The following WDR4 variants were observed in gnomAD, a reference collection of about 807,000 sequenced individuals.
WDR4 encodes tRNA (guanine-N(7)-)-methyltransferase non-catalytic subunit WDR4.
A neutral mutation model predicts 48.6 loss-of-function variants in WDR4; 47 were observed. The ratio of observed to expected loss-of-function variants is 0.97; its 90% CI spans 0.77 to 1.23. The LOEUF (loss-of-function observed/expected upper bound fraction) is 1.23, where lower values mean the gene tolerates loss of function less well. Among genes scored for constraint, WDR4 ranks in the 50% most tolerant of loss-of-function variants. The probability of loss-of-function intolerance (pLI) is 0.00; values close to 1 mark genes in which losing one functional copy is unlikely to be tolerated. For synonymous variants in WDR4, 268 were observed against 230.0 expected (o/e 1.17, Z -1.49); for missense variants, 606 against 551.6 (o/e 1.10, Z -0.99).
intron 3 of WDR4, among the ~76,000 whole-genome samples, chr21:42,866,380 C>G (rs1451701349): frequency 1.3e-5 from 2 of 152,330 alleles, no homozygotes; most frequent in Non-Finnish European, 2.9e-5. Context: ...TGGGACAGAG[C>G]CTAGGGTCTC....
downstream of WDR4, among the ~76,000 whole-genome samples, chr21:42,847,077 C>T (rs2057717117): frequency 6.6e-6 from 1 of 151,806 alleles, no homozygotes. Flanking sequence ...TTTTCTTCAT[C>T]AATTAAAGAG....
intron 3 of WDR4, 34 bp from the exon 4 acceptor site, chr21:42,863,630 C>G: frequency 1.2e-6 from 2 of 1,602,816 alleles, no homozygotes; most frequent in Non-Finnish European, 1.7e-6. Context: ...CATTAGCTTC[C>G]AGGAGCAGCG....
intron 6 of WDR4, among the ~76,000 whole-genome samples, chr21:42,858,996 T>C (rs1255158159): frequency 6.6e-6 from 1 of 152,152 alleles, no homozygotes; most frequent in Non-Finnish European, 1.5e-5. Context: ...GGCCCTCACT[T>C]TGGCAAAATC....
At chr21:42,854,378 G>A (rs1483592600) in intron 8 of WDR4, among the ~76,000 whole-genome samples, 184 bp downstream of exon 8, 1 of 152,218 alleles carries the variant, frequency 6.6e-6, no homozygotes, top group Non-Finnish European at 1.5e-5. Context: ...CGCTGGCTGA[G>A]AGGAGCCCTC....
At chr21:42,854,923 G>T (rs464854) in intron 7 of WDR4, among the ~76,000 whole-genome samples, 17,592 of 152,062 alleles carry the variant, frequency 0.12, 1,077 homozygotes, top group East Asian at 0.24. Flanking sequence ...AGGACACAGG[G>T]GAAAGGAAGA....
chr21:42,843,351 G>GGGTATTTTTTAAAGCATGATTATGATT (rs2057682520), intron 11 of WDR4: 1 of 151,208 alleles, frequency 6.6e-6, no homozygotes, highest in South Asian at 2.1e-4. Flanking sequence ...ATATGCTCGA[G>GGGTATTTTTTAAAGCATGATTATGATT]GGTATTTTTT....
chr21:42,884,148 C>T (rs1440786047), upstream of WDR4, among the ~76,000 whole-genome samples: 4 of 152,178 alleles, frequency 2.6e-5, no homozygotes, highest in African/African-American at 4.8e-5. Context: ...ATGCATATAT[C>T]ACATATATCA....
In WDR4 at chr21:42,873,397, CAT is replaced by C. The variant is rs139267801; in HGVS notation, c.296+152_296+153del. On this transcript the variant is annotated intron_variant, in intron 3 of 10. Transcript: ENST00000398208. ...CGTGAGGATCAGATCAGCCAACACA[CAT>C]GTGGCACTGAAAGTGGTGTCTGGCA... Among the ~76,000 whole-genome samples the C allele has an allele frequency of 0.015, 2,346 of 152,332 alleles. 57 individuals are homozygous for C. The highest frequency in any genetic ancestry group is 0.052 in the African/African-American group (2,153 of 41,564).
At chr21:42,887,939 A>C in the WDR4 span, among the ~76,000 whole-genome samples, 3 of 152,090 alleles carry the variant, frequency 2.0e-5, no homozygotes, top group Admixed American at 2.0e-4. Flanking sequence ...AAACAAAAAC[A>C]AAAACAAAAA....
chr21:42,847,712 T>A (rs951082018), downstream of WDR4, among the ~76,000 whole-genome samples: 3 of 152,260 alleles, frequency 2.0e-5, no homozygotes, highest in African/African-American at 7.2e-5. Context: ...ATTTCATGAT[T>A]TTCATGTCAT....
chr21:42,862,155 C>T lies in WDR4; in HGVS notation c.566+127G>A, dbSNP rs149178477. ...CCACGGCGCCTGCAGTGACCAAACA[C>T]CAAGCACGGGGGCTGCTGTCACCCG... On this transcript the variant is annotated intron_variant, in intron 5 of 10. Coordinates refer to ENST00000398208, the MANE Select transcript of WDR4 (RefSeq NM_018669.6). This position sits in a 1 kb window ranked among gnomAD's most constrained non-coding sequence, Gnocchi z 4.3. 1,019 of 815,550 alleles carry T rather than the reference C, an allele frequency of 1.2e-3. 7 individuals are homozygous for T. In the African/African-American group the frequency reaches 0.014, roughly 11 times the overall value. 50.5% of individuals were successfully genotyped at this position (815,550 alleles called of 1,614,324 possible).
intron 3 of WDR4, among the ~76,000 whole-genome samples, chr21:42,872,572 C>T (rs1037075043): frequency 4.4e-4 from 66 of 150,820 alleles, no homozygotes; most frequent in African/African-American, 1.4e-3. Context: ...GATCACACCA[C>T]CGCACTCCAG....
intron 3 of WDR4, among the ~76,000 whole-genome samples, chr21:42,865,378 C>T (rs1400068549): frequency 1.3e-5 from 2 of 152,188 alleles, no homozygotes; most frequent in Non-Finnish European, 2.9e-5. Context: ...CATGGTGGCA[C>T]AGAGGAGCAG....
rs2057935908 is a variant in WDR4 at position 42,854,606 on chromosome 21, A to T, written c.747T>A (p.Ile249=). 7 of 1,613,820 alleles carry T rather than the reference A, an allele frequency of 4.3e-6. No homozygotes were observed. The highest frequency in any genetic ancestry group is 5.9e-6 in the Non-Finnish European group (7 of 1,179,944). ...CGCAGTTCTCCTGGCACCAGAATGC[A>T]ATCCTGGACGCGGCAAACTTCTAAA... ...QAPQKFAASR[I]AFWCQENCVA... Residue 249 remains isoleucine (I), a synonymous_variant, in exon 8 of 11, where the codon ATT becomes ATA. Transcript: ENST00000398208.
upstream of WDR4, among the ~76,000 whole-genome samples, chr21:42,881,990 G>A (rs1251113014): frequency 6.6e-6 from 1 of 151,748 alleles, no homozygotes; most frequent in South Asian, 2.1e-4. Flanking sequence ...TAGTAGAGAC[G>A]GGGTTTCACC....
intron 3 of WDR4, among the ~76,000 whole-genome samples, chr21:42,869,907 G>A (rs1301402856): frequency 6.6e-6 from 1 of 152,012 alleles, no homozygotes; most frequent in Non-Finnish European, 1.5e-5. Flanking sequence ...CAGCTACTCG[G>A]GAGGCTGAGG....
At chr21:42,859,597 G>GGGA in intron 6 of WDR4, 65 bp downstream of exon 6, 1 of 708,190 alleles carries the variant, frequency 1.4e-6, no homozygotes, top group Non-Finnish European at 2.5e-6. Context: ...TCCAGGAGGC[G>GGGA]CCCACCCCAC....
chr21:42,861,530 T>C (rs1308095733), intron 5 of WDR4, among the ~76,000 whole-genome samples: 1 of 150,680 alleles, frequency 6.6e-6, no homozygotes, highest in Non-Finnish European at 1.5e-5. Context: ...CGAGAGATGG[T>C]GAAGGGGAGG....
In WDR4 at chr21:42,854,282, C is replaced by G. The variant is rs529719535; in HGVS notation, c.791+280G>C. ...GTGAGGTGATGCCACCACGACTGGC[C>G]CAGGGGAAAGTCTGTCATCTCAGAA... is the stretch of plus-strand genomic sequence containing the variant. On this transcript the variant is annotated intron_variant, in intron 8 of 10. Transcript: ENST00000398208. Among the ~76,000 whole-genome samples, 16 of 152,316 alleles carry G rather than the reference C, an allele frequency of 1.1e-4. 1 individual carries two copies. The highest frequency in any genetic ancestry group is 3.4e-3 in the Middle Eastern group (1 of 294).
Sources: gnomAD v4.1 joint callset for allele counts (sites outside exome capture counted in the v4.1 genomes callset) on GRCh38, gnomAD v4.1.1 for gene constraint, Gnocchi (gnomAD v3.1) non-coding constraint, MANE v1.5 for transcripts, NCBI Gene and HGNC (gene_info 2026-07-23, HGNC 2026-07-21) for gene names.